Variants in SEMA3D observed in about 807,000 individuals in gnomAD.
The protein encoded by SEMA3D is semaphorin 3D.
Under a neutral mutation model 100.1 loss-of-function variants are expected in SEMA3D, and 84 were observed. The ratio of observed to expected loss-of-function variants is 0.84; its 90% CI spans 0.70 to 1.01. The LOEUF (loss-of-function observed/expected upper bound fraction) is 1.01. SEMA3D is among the 50% of genes least tolerant of loss of function. The probability of loss-of-function intolerance (pLI) is 0.00; values close to 1 mark genes in which losing one functional copy is unlikely to be tolerated. For missense variants in SEMA3D, 875 were observed against 934.1 expected, an observed-to-expected ratio of 0.94 and a Z score of 0.82; for synonymous variants, 312 against 320.7, an observed-to-expected ratio of 0.97 and a Z score of 0.29.
chr7:85,019,903 A>C lies in SEMA3D; in HGVS notation c.1503+330T>G, dbSNP rs143485797. Among the ~76,000 whole-genome samples the C allele has an allele frequency of 3.5e-3, 533 of 151,734 alleles. 3 individuals are homozygous for C. Among genetic ancestry groups the C allele is most frequent in the African/African-American group, 0.012 (518 of 41,468 alleles). On this transcript the variant is annotated intron_variant, in intron 14 of 18. Coordinates refer to ENST00000284136, the MANE Select transcript of SEMA3D (RefSeq NM_001384900.1). Reference sequence around the variant, plus strand: ...TCAATTGGGGAAAAATTGAAAAGTAAAATTTATAAAGTAGAAAAGCATCTG... The same window carrying C: ...TCAATTGGGGAAAAATTGAAAAGTACAATTTATAAAGTAGAAAAGCATCTG...
chr7:85,093,452 C>T (rs188214132), intron 4 of SEMA3D, among the ~76,000 whole-genome samples: 170 of 152,076 alleles, frequency 1.1e-3, no homozygotes, highest in African/African-American at 3.5e-3. Context: ...CATCTTGCTA[C>T]CAACCTAAAG....
chr7:85,000,025 G>C (rs568872635), intron 18 of SEMA3D, among the ~76,000 whole-genome samples, 160 bp from the exon 19 acceptor site: 2 of 152,146 alleles, frequency 1.3e-5, no homozygotes, highest in African/African-American at 4.8e-5. Flanking sequence ...TAGTTAAAAA[G>C]AGTAAAAAAA....
intron 5 of SEMA3D, among the ~76,000 whole-genome samples, chr7:85,076,884 A>G (rs1791939986): frequency 6.6e-6 from 1 of 152,132 alleles, no homozygotes; most frequent in South Asian, 2.1e-4. Context: ...TCATGAGGTC[A>G]GGATTTCAAG....
At chr7:85,141,233 A>G (rs931479591) in intron 2 of SEMA3D, 20 of 984,156 alleles carry the variant, frequency 2.0e-5, no homozygotes, top group Non-Finnish European at 2.2e-5. Context: ...TTTTCATGAC[A>G]TTAACTTGTT....
At chr7:85,087,843 A>G (rs947325188) in intron 4 of SEMA3D, among the ~76,000 whole-genome samples, 3 of 152,286 alleles carry the variant, frequency 2.0e-5, no homozygotes, top group Non-Finnish European at 4.4e-5. Context: ...CTAAACATAT[A>G]TCTGTATATT....
chr7:85,242,964 T>C, the SEMA3D span, among the ~76,000 whole-genome samples: 1 of 152,182 alleles, frequency 6.6e-6, no homozygotes, highest in South Asian at 2.1e-4. Context: ...AATGTCATAG[T>C]AAGGTTTGCG....
intron 13 of SEMA3D, 111 bp from the exon 14 acceptor site, chr7:85,020,432 C>CA: frequency 1.4e-6 from 1 of 695,186 alleles, no homozygotes; most frequent in South Asian, 1.8e-5. Context: ...AAATGCCTTT[C>CA]AAAAAACAGA....
At chr7:85,224,284 A>G in the SEMA3D span, among the ~76,000 whole-genome samples, 1 of 152,200 alleles carries the variant, frequency 6.6e-6, no homozygotes, top group Non-Finnish European at 1.5e-5. Flanking sequence ...TGAAGTCCAG[A>G]GAATTTAAAT....
intron 3 of SEMA3D, among the ~76,000 whole-genome samples, chr7:85,103,000 C>T (rs1199607173): frequency 6.6e-6 from 1 of 152,032 alleles, no homozygotes; most frequent in Non-Finnish European, 1.5e-5. Flanking sequence ...ATTAAACATC[C>T]TTCAACAATT....
At chr7:85,021,467 C>T (rs1253083972) in intron 13 of SEMA3D, among the ~76,000 whole-genome samples, 1 of 151,710 alleles carries the variant, frequency 6.6e-6, no homozygotes, top group Admixed American at 6.6e-5. Context: ...TGTGGAATTG[C>T]CATCTTCAAA....
chr7:85,142,889 C>T, intron 2 of SEMA3D: 5 of 984,742 alleles, frequency 5.1e-6, no homozygotes, highest in Non-Finnish European at 6.0e-6. Context: ...TGAGCCATAT[C>T]CATGAGTTGA....
chr7:85,105,898 A>G (rs1391665528), intron 3 of SEMA3D, among the ~76,000 whole-genome samples: 1 of 151,944 alleles, frequency 6.6e-6, no homozygotes, highest in Non-Finnish European at 1.5e-5. Flanking sequence ...TGTGGCAATT[A>G]CTCATGGTCA....
chr7:85,166,201 T>G (rs1476526634), intron 1 of SEMA3D, among the ~76,000 whole-genome samples: 1 of 152,024 alleles, frequency 6.6e-6, no homozygotes, highest in East Asian at 1.9e-4. Context: ...TACTTAATGT[T>G]GTTAGTTTTG....
intron 18 of SEMA3D, among the ~76,000 whole-genome samples, chr7:85,000,314 C>T (rs558932560): frequency 8.5e-5 from 13 of 152,216 alleles, no homozygotes; most frequent in Admixed American, 2.0e-4. Context: ...GTATAGAAAA[C>T]GAGCTTCAGT....
At chr7:85,126,010 A>G (rs901372427) in intron 2 of SEMA3D, among the ~76,000 whole-genome samples, 1 of 152,100 alleles carries the variant, frequency 6.6e-6, no homozygotes, top group African/African-American at 2.4e-5. Flanking sequence ...GGGAATCTTC[A>G]GATGTGGAGC....
rs116560834 is a variant in SEMA3D, at chr7:85,149,142, A to C, written c.-41+4466T>G. Among the ~76,000 whole-genome samples, 780 of 152,266 alleles carry C rather than the reference A, an allele frequency of 5.1e-3. 5 individuals carry two copies. The highest frequency in any genetic ancestry group is 0.018 in the African/African-American group (746 of 41,570). On this transcript the variant is annotated intron_variant, in intron 2 of 18. Coordinates refer to ENST00000284136, the MANE Select transcript of SEMA3D (RefSeq NM_001384900.1). ...TAAACAGTGATAATATTATTTTCTT[A>C]AAAATACAAAAGTAACACTTGGCCA...
At chr7:85,141,619 G>T in intron 2 of SEMA3D, 1 of 983,896 alleles carries the variant, frequency 1.0e-6, no homozygotes. Flanking sequence ...ATCATTTCTG[G>T]CACATATTCT....
At chr7:85,209,178 C>T in the SEMA3D span, among the ~76,000 whole-genome samples, 1 of 151,558 alleles carries the variant, frequency 6.6e-6, no homozygotes, top group East Asian at 1.9e-4. Flanking sequence ...ATGGTAAAAC[C>T]AAGTCTGGTA....
chr7:85,119,192 T>G (rs1480689886), intron 3 of SEMA3D, among the ~76,000 whole-genome samples: 2 of 152,204 alleles, frequency 1.3e-5, no homozygotes, highest in Non-Finnish European at 2.9e-5. Context: ...TTAACCATTG[T>G]GGAAGACAGT....
Sources: allele counts gnomAD v4.1 joint callset (sites outside exome capture counted in the v4.1 genomes callset), GRCh38; gene constraint gnomAD v4.1.1; transcripts MANE v1.5; gene names NCBI Gene and HGNC (gene_info 2026-07-23, HGNC 2026-07-21).